The following STAG1 variants were observed in gnomAD, a reference collection of about 807,000 sequenced individuals.
STAG1 encodes the protein cohesin subunit SA-1.
Under a neutral mutation model 170.9 loss-of-function variants are expected in STAG1, and 26 were observed. The observed-to-expected ratio is 0.15, with a 90% confidence interval of 0.11 to 0.21. The LOEUF (loss-of-function observed/expected upper bound fraction) is 0.21. Among genes scored for constraint, STAG1 ranks in the 10% least tolerant of loss-of-function variants. STAG1 has a pLI of 1.00. For synonymous variants in STAG1, 514 were observed against 497.7 expected, an observed-to-expected ratio of 1.03 and a Z score of -0.44; for missense variants, 964 against 1,509.5, an observed-to-expected ratio of 0.64 and a Z score of 5.99.
At chr3:136,680,796 A>G (rs1306976237) in intron 1 of STAG1, among the ~76,000 whole-genome samples, 2 of 151,082 alleles carry the variant, frequency 1.3e-5, no homozygotes, top group African/African-American at 4.8e-5. Flanking sequence ...AGAAATATAT[A>G]TATTACATAT....
intron 1 of STAG1, among the ~76,000 whole-genome samples, chr3:136,724,396 T>G (rs546831636): frequency 6.1e-4 from 93 of 151,416 alleles, no homozygotes; most frequent in African/African-American, 2.0e-3. Context: ...AAACAGATGC[T>G]TGAAGGCAGC....
chr3:136,632,454 C>CTGGT (rs1940368600), intron 1 of STAG1, among the ~76,000 whole-genome samples: 1 of 152,150 alleles, frequency 6.6e-6, no homozygotes, highest in Admixed American at 6.5e-5. Flanking sequence ...GTGCAACTTG[C>CTGGT]TGGTACCTGT....
At chr3:136,554,947 C>T (rs1026357587) in intron 5 of STAG1, among the ~76,000 whole-genome samples, 5 of 151,694 alleles carry the variant, frequency 3.3e-5, no homozygotes, top group Middle Eastern at 3.4e-3. Flanking sequence ...AACAAATATG[C>T]TTCTAAATAA....
At chr3:136,459,516 A>T (rs1199158327) in intron 13 of STAG1, among the ~76,000 whole-genome samples, 1 of 152,198 alleles carries the variant, frequency 6.6e-6, no homozygotes. Flanking sequence ...ATTCTAGACC[A>T]AATGGACCTA....
intron 10 of STAG1, among the ~76,000 whole-genome samples, chr3:136,476,376 G>C (rs1025065277): frequency 3.3e-5 from 5 of 152,196 alleles, no homozygotes; most frequent in Non-Finnish European, 4.4e-5. Flanking sequence ...CATAGTCAAG[G>C]GGGGTGGGAA....
intron 32 of STAG1, 21 bp from the exon 33 acceptor site, chr3:136,338,471 CTTAAT>C (rs772031968): frequency 6.3e-7 from 1 of 1,597,958 alleles, no homozygotes; most frequent in Non-Finnish European, 8.6e-7. Context: ...AAATCGGTTT[CTTAAT>C]TTTTTTCTGA....
At chr3:136,400,580 G>A (rs1400638654) in intron 21 of STAG1, among the ~76,000 whole-genome samples, 1 of 151,116 alleles carries the variant, frequency 6.6e-6, no homozygotes, top group African/African-American at 2.4e-5. Context: ...TTGTTGCCCA[G>A]GCGGGAGTGC....
intron 1 of STAG1, among the ~76,000 whole-genome samples, chr3:136,637,932 G>A (rs1399238548): frequency 6.6e-6 from 1 of 151,448 alleles, no homozygotes; most frequent in Non-Finnish European, 1.5e-5. Flanking sequence ...CAGTGCAGTG[G>A]AGCAATTCAT....
intron 16 of STAG1, among the ~76,000 whole-genome samples, chr3:136,432,526 G>GA (rs2088337737): frequency 7.2e-6 from 1 of 139,564 alleles, no homozygotes; most frequent in African/African-American, 2.6e-5. Context: ...GGGGGGGGGG[G>GA]GCACAGAGTC....
At chr3:136,531,151 A>G (rs1935346608) in intron 6 of STAG1, among the ~76,000 whole-genome samples, 1 of 151,848 alleles carries the variant, frequency 6.6e-6, no homozygotes, top group African/African-American at 2.4e-5. Flanking sequence ...CAAAAAACAC[A>G]TGAAAAAATG....
chr3:136,440,570 T>C (rs1214459176), intron 15 of STAG1, among the ~76,000 whole-genome samples: 1 of 151,788 alleles, frequency 6.6e-6, no homozygotes, highest in Non-Finnish European at 1.5e-5. Flanking sequence ...ACAAACAAGG[T>C]AAGGAAAATG....
At chr3:136,525,676 A>G (rs542063080) in intron 6 of STAG1, among the ~76,000 whole-genome samples, 1 of 151,998 alleles carries the variant, frequency 6.6e-6, no homozygotes, top group African/African-American at 2.4e-5. Context: ...TGGTTCTTTC[A>G]ATTGTGATGT....
intron 3 of STAG1, among the ~76,000 whole-genome samples, chr3:136,612,514 TA>T (rs1391146382): frequency 6.6e-6 from 1 of 151,132 alleles, no homozygotes; most frequent in African/African-American, 2.4e-5. Context: ...AGATAAAGGA[TA>T]AAAAAAACAA....
At chr3:136,587,666 T>C (rs1482636779) in intron 4 of STAG1, among the ~76,000 whole-genome samples, 2 of 150,086 alleles carry the variant, frequency 1.3e-5, no homozygotes, top group Non-Finnish European at 3.0e-5. Flanking sequence ...AAAAGAAAAA[T>C]TAGCCAGGCC....
intron 3 of STAG1, among the ~76,000 whole-genome samples, chr3:136,611,850 ATTTTT>A (rs1300992085): frequency 7.0e-6 from 1 of 142,478 alleles, no homozygotes; most frequent in African/African-American, 2.6e-5. Flanking sequence ...TATGTGTGGA[ATTTTT>A]TTTTTTTTAT....
intron 9 of STAG1, among the ~76,000 whole-genome samples, chr3:136,491,516 T>TA (rs2107845457): frequency 6.6e-6 from 1 of 152,328 alleles, no homozygotes; most frequent in South Asian, 2.1e-4. Flanking sequence ...TTTGTGTTTT[T>TA]ACATCCCCTG....
intron 22 of STAG1, among the ~76,000 whole-genome samples, chr3:136,392,185 T>C (rs2087028017): frequency 6.6e-6 from 1 of 152,064 alleles, no homozygotes; most frequent in South Asian, 2.1e-4. Flanking sequence ...AAGAATATAA[T>C]ACAAGATGAA....
At position 136,623,225 on chromosome 3, in the gene STAG1, G is replaced by A. The variant is rs138064445; in HGVS notation, c.53C>T (p.Ala18Val). The A allele has an allele frequency of 3.1e-6, 5 of 1,613,240 alleles. No individual in the cohort carries two copies. In the African/African-American group the frequency reaches 6.7e-5, roughly 22 times the overall value. Reference protein sequence around the residue: ...VLQDSTNETTAHSDAGSELEE... With the variant: ...VLQDSTNETTVHSDAGSELEE... ...AAGCTCGCTGCCAGCATCGGAATGG[G>A]CAGTAGTTTCATTAGTTGAATCCCT... The change falls in exon 3 of 34, where the codon GCC becomes GTC. Residue 18 changes from alanine to valine, a missense_variant. By Grantham distance (64) the Ala-to-Val change is moderately conservative (BLOSUM62 0). This residue lies in a region of STAG1 where 108 missense variants were observed against 120.2 expected (regional missense o/e 0.90). Transcript: ENST00000383202.
chr3:136,682,743 A>G (rs1175579800), intron 1 of STAG1, among the ~76,000 whole-genome samples: 1 of 152,152 alleles, frequency 6.6e-6, no homozygotes, highest in South Asian at 2.1e-4. Flanking sequence ...AGAAGGCACC[A>G]ATGATCCAGC....
Sources: gnomAD v4.1 joint callset for allele counts (sites outside exome capture counted in the v4.1 genomes callset) on GRCh38, gnomAD v4.1.1 for gene constraint, gnomAD v4.1.1 regional missense constraint, MANE v1.5 for transcripts, NCBI Gene and HGNC (gene_info 2026-07-23, HGNC 2026-07-21) for gene names.